KCNA2: variants seen among roughly 807,000 people sequenced by gnomAD.
KCNA2 encodes the protein potassium channel, voltage gated shaker related subfamily A, member 2.
A neutral mutation model predicts 33.4 loss-of-function variants in KCNA2; 11 were observed. That is an observed-to-expected ratio of 0.33 (90% confidence interval 0.21 to 0.55). The LOEUF is 0.55. Ranked by LOEUF, KCNA2 falls within the 20% of genes least tolerant of loss-of-function variation. KCNA2 has a pLI of 0.93. For missense variants in KCNA2, 291 were observed against 621.6 expected (o/e 0.47, Z 5.66); for synonymous variants, 222 against 231.3 (o/e 0.96, Z 0.37).
At chr1:110,628,982 CCT>C (rs1347382250) in intron 1 of KCNA2, among the ~76,000 whole-genome samples, 1 of 152,162 alleles carries the variant, frequency 6.6e-6, no homozygotes, top group East Asian at 1.9e-4. Context: ...CCTGGTTTTA[CCT>C]CTTTCTTGGC....
rs560878263 is a variant in KCNA2, at chr1:110,598,629, G to C, written c.*4654C>G. 7.1e-6 allele frequency: 7 copies of C among 985,194 alleles called. No individual in the cohort carries two copies. In the East Asian group the frequency reaches 8.0e-4, roughly 112 times the overall value. The allele number at this position is 985,194 out of a possible 1,614,324, so 61.0% of individuals were successfully genotyped here. ...TCTCAGGCCATCATAGCTTCCATGGGAGCCCTTTCCATACTAGGCTAACGC... is the reference window on the plus strand; with the variant it reads ...TCTCAGGCCATCATAGCTTCCATGGCAGCCCTTTCCATACTAGGCTAACGC... On this transcript the variant is annotated 3_prime_UTR_variant, in exon 3 of 3. Transcript: ENST00000316361.
At chr1:110,608,101 G>A (rs1649742556), upstream of KCNA2, 1 of 152,326 alleles carries the variant, frequency 6.6e-6, no homozygotes, top group African/African-American at 2.4e-5. Flanking sequence ...CACAAAACGG[G>A]CCCTCTGGCA....
At chr1:110,606,037 AC>A (rs1476367753) in intron 1 of KCNA2, 190 bp downstream of exon 1, 1 of 152,288 alleles carries the variant, frequency 6.6e-6, no homozygotes, top group Non-Finnish European at 1.5e-5. Context: ...AAGCACTCCT[AC>A]CCCCACATGT....
At chr1:110,621,045 T>C (rs1190280199) in intron 1 of KCNA2, among the ~76,000 whole-genome samples, 1 of 152,228 alleles carries the variant, frequency 6.6e-6, no homozygotes, top group Non-Finnish European at 1.5e-5. Context: ...TCTCTCAGGC[T>C]TCTTGAAATT....
upstream of KCNA2, among the ~76,000 whole-genome samples, chr1:110,611,124 G>A (rs193022270): frequency 9.2e-5 from 14 of 152,314 alleles, no homozygotes; most frequent in Admixed American, 8.5e-4. Context: ...GGACTACAGA[G>A]GATAATACCC....
chr1:110,630,110 G>T (rs1650513016), intron 1 of KCNA2, among the ~76,000 whole-genome samples: 1 of 150,620 alleles, frequency 6.6e-6, no homozygotes, highest in Admixed American at 6.7e-5. Context: ...CTGTCTCCTG[G>T]GTTCAAGCGA....
At position 110,596,195 on chromosome 1, in the gene KCNA2, T is replaced by A; in HGVS notation, c.*7088A>T. 1.0e-6 allele frequency: 1 copy of A among 985,172 alleles called. No homozygotes were observed. The highest frequency in any genetic ancestry group is 1.2e-6 in the Non-Finnish European group (1 of 829,762). The allele number at this position is 985,172 out of a possible 1,614,324, so 61.0% of individuals were successfully genotyped here. A position where few individuals can be genotyped will look rare whatever the true frequency, so the allele number is the denominator to read the frequency against. ...AGTAGAACTGGAGAGGTGAAAAGAA[T>A]GCAAAGGAGGTCATTCAAAAAATGC... On this transcript the variant is annotated 3_prime_UTR_variant, in exon 3 of 3. Coordinates refer to ENST00000316361, the MANE Select transcript of KCNA2 (RefSeq NM_004974.4).
chr1:110,630,130 C>T (rs1460267068), intron 1 of KCNA2, among the ~76,000 whole-genome samples: 1 of 151,496 alleles, frequency 6.6e-6, no homozygotes, highest in Non-Finnish European at 1.5e-5. Flanking sequence ...ATTCTCCTGC[C>T]TCAGCCTCCC....
chr1:110,614,831 A>G (rs927031059), intron 1 of KCNA2, among the ~76,000 whole-genome samples: 1 of 152,220 alleles, frequency 6.6e-6, no homozygotes, highest in Non-Finnish European at 1.5e-5. Context: ...TCAAGGTTGC[A>G]TGGCTCTAGT....
chr1:110,603,589 A>T lies in KCNA2; in HGVS notation c.1194T>A (p.Gly398=). The change falls in exon 3 of 3, where the codon GGT becomes GGA. Residue 398 remains glycine, a synonymous_variant. Coordinates refer to ENST00000316361, the MANE Select transcript of KCNA2 (RefSeq NM_004974.4). This position sits in a 1 kb window ranked among gnomAD's most constrained non-coding sequence, Gnocchi z 5.7. ...GGACCGGTAAGGCAATAGTTAACAC[A>T]CCTGCAATCGCACATAGGGAACCCA... ...KIVGSLCAIA[G]VLTIALPVPV... The T allele has an allele frequency of 6.2e-7, 1 of 1,613,898 alleles. No homozygotes were observed. The highest frequency in any genetic ancestry group is 1.1e-5 in the South Asian group (1 of 91,046).
chr1:110,616,835 G>T, intron 1 of KCNA2, among the ~76,000 whole-genome samples: 1 of 152,248 alleles, frequency 6.6e-6, no homozygotes. Context: ...CAGAGGAGGT[G>T]CTTGATAAAT....
At chr1:110,615,098 G>A (rs1287398266) in intron 1 of KCNA2, among the ~76,000 whole-genome samples, 2 of 152,182 alleles carry the variant, frequency 1.3e-5, no homozygotes, top group African/African-American at 2.4e-5. Flanking sequence ...GCAGAAAGGG[G>A]CTGAAATTGC....
chr1:110,613,290 C>G (rs1649937559), intron 1 of KCNA2, among the ~76,000 whole-genome samples: 1 of 152,230 alleles, frequency 6.6e-6, no homozygotes, highest in Non-Finnish European at 1.5e-5. Context: ...ACCTGTCACA[C>G]CAGGTCCTGA....
chr1:110,631,057 G>A (rs1429391168), intron 1 of KCNA2, among the ~76,000 whole-genome samples: 1 of 152,132 alleles, frequency 6.6e-6, no homozygotes, highest in Non-Finnish European at 1.5e-5. Context: ...CTTTGGGATT[G>A]GTCCCTTCCT....
rs115119107 is a variant in KCNA2, at chr1:110,615,214, G to C, written c.-495-9492C>G. 1.4e-3 allele frequency among the ~76,000 whole-genome samples: 211 copies of C among 152,248 alleles called. 2 individuals carry two copies. The highest frequency in any genetic ancestry group is 4.9e-3 in the African/African-American group (202 of 41,544). On this transcript the variant is annotated intron_variant, in intron 1 of 4. Transcript: ENST00000369770. ...GACCTGTAAGATCACAGCAGGGCCC[G>C]CCTGCCACACACCACTTACCTAGGG...
chr1:110,597,243 G>A lies in KCNA2; in HGVS notation c.*6040C>T. The A allele has an allele frequency of 2.0e-6, 2 of 985,446 alleles. No individual in the cohort carries two copies. Among genetic ancestry groups the A allele is most frequent in the Non-Finnish European group, 2.4e-6 (2 of 829,944 alleles). The allele number at this position is 985,446 out of a possible 1,614,324, so 61.0% of individuals were successfully genotyped here. ...TCAGCATCCGTCTCCCTGGGGAAGGGAGAAGGGGAAGCAAAAGGATCAAGT... is the reference window on the plus strand; with the variant it reads ...TCAGCATCCGTCTCCCTGGGGAAGGAAGAAGGGGAAGCAAAAGGATCAAGT... On this transcript the variant is annotated 3_prime_UTR_variant, in exon 3 of 3. Transcript: ENST00000316361.
At position 110,602,653 on chromosome 1, in the gene KCNA2, C is replaced by T. The variant is rs1043443530; in HGVS notation, c.*630G>A. 5 of 994,680 alleles carry T rather than the reference C, an allele frequency of 5.0e-6. No homozygotes were observed. The highest frequency in any genetic ancestry group is 4.6e-5 in the South Asian group (1 of 21,826). 61.6% of individuals were successfully genotyped at this position (994,680 alleles called of 1,614,324 possible). ...TCGGTCATACTAACTGTCCCTCCCCCGGGCTTCCCTCACATCGACACTGCA... is the reference window on the plus strand; with the variant it reads ...TCGGTCATACTAACTGTCCCTCCCCTGGGCTTCCCTCACATCGACACTGCA... On this transcript the variant is annotated 3_prime_UTR_variant, in exon 3 of 3. Coordinates refer to ENST00000316361, the MANE Select transcript of KCNA2 (RefSeq NM_004974.4).
Position 110,606,346 on chromosome 1 carries a change from G to A in KCNA2, c.-614C>T, listed in dbSNP as rs1649604380. 1 of 152,258 alleles carries A rather than the reference G, an allele frequency of 6.6e-6. No individual in the cohort carries two copies. Among genetic ancestry groups the A allele is most frequent in the Non-Finnish European group, 1.5e-5 (1 of 68,066 alleles). The allele number at this position is 152,258 out of a possible 1,614,324, so 9.4% of individuals were successfully genotyped here. A position where few individuals can be genotyped will look rare whatever the true frequency, so the allele number is the denominator to read the frequency against. ...GAAAATCCCTCACATCTCCTCGGCA[G>A]GGAGCACAGAATAAACGCTCCGCCT... On this transcript the variant is annotated 5_prime_UTR_variant, in exon 1 of 3. Coordinates refer to ENST00000316361, the MANE Select transcript of KCNA2 (RefSeq NM_004974.4).
intron 1 of KCNA2, among the ~76,000 whole-genome samples, chr1:110,621,410 T>C (rs1650255025): frequency 6.6e-6 from 1 of 152,020 alleles, no homozygotes; most frequent in African/African-American, 2.4e-5. Context: ...GAAAAGAAGA[T>C]CTTACATCAA....
Sources: gnomAD v4.1 joint callset for allele counts (sites outside exome capture counted in the v4.1 genomes callset) on GRCh38, gnomAD v4.1.1 for gene constraint, Gnocchi (gnomAD v3.1) non-coding constraint, MANE v1.5 for transcripts, NCBI Gene and HGNC (gene_info 2026-07-23, HGNC 2026-07-21) for gene names.